The following WTAP variants were observed in gnomAD, a reference collection of about 807,000 sequenced individuals.
WTAP encodes the protein WT1 associated protein, also known as pre-mRNA-splicing regulator WTAP.
A neutral mutation model predicts 50.0 loss-of-function variants in WTAP; 8 were observed. The observed-to-expected ratio is 0.16, with a 90% confidence interval of 0.09 to 0.29. The LOEUF (loss-of-function observed/expected upper bound fraction) is 0.29, where lower values mean the gene tolerates loss of function less well. Ranked by LOEUF, WTAP falls within the 10% of genes least tolerant of loss-of-function variation. The pLI, the probability that WTAP is intolerant of heterozygous loss-of-function variation, is 1.00. For synonymous variants in WTAP, 194 were observed against 169.0 expected (o/e 1.15, Z -1.15); for missense variants, 295 against 470.7 (o/e 0.63, Z 3.45).
At chr6:159,728,733 G>A (rs1414231641) in intron 1 of WTAP, among the ~76,000 whole-genome samples, 1 of 152,228 alleles carries the variant, frequency 6.6e-6, no homozygotes, top group Non-Finnish European at 1.5e-5. Flanking sequence ...CCAAGTCGGG[G>A]AAAGATTGCA....
chr6:159,747,008 T>G (rs1274913620), intron 5 of WTAP, among the ~76,000 whole-genome samples: 1 of 152,200 alleles, frequency 6.6e-6, no homozygotes, highest in African/African-American at 2.4e-5. Context: ...AGCAGCTGGC[T>G]TCACATTGAC....
intron 3 of WTAP, among the ~76,000 whole-genome samples, chr6:159,741,137 C>G (rs924492012): frequency 6.6e-6 from 1 of 152,168 alleles, no homozygotes; most frequent in African/African-American, 2.4e-5. Flanking sequence ...AGCAGACATT[C>G]AGGGCAGGGT....
chr6:159,753,998 A>G (rs946345363), intron 7 of WTAP, among the ~76,000 whole-genome samples: 22 of 152,214 alleles, frequency 1.4e-4, no homozygotes, highest in African/African-American at 5.1e-4. Context: ...CAGCGATCTG[A>G]AAGTAATAAA....
intron 7 of WTAP, 69 bp downstream of exon 7, chr6:159,753,683 G>T (rs1428364993): frequency 2.6e-6 from 4 of 1,514,196 alleles, no homozygotes; most frequent in African/African-American, 1.4e-5. Flanking sequence ...TGCCAGTCAT[G>T]AATATTATAG....
intron 6 of WTAP, chr6:159,749,012 C>T (rs1454730546): frequency 4.0e-6 from 4 of 1,009,848 alleles, no homozygotes; most frequent in African/African-American, 1.7e-5. Flanking sequence ...AATAGATGTC[C>T]GTACAAGTAG....
chr6:159,726,972 G>C, upstream of WTAP: 8 of 1,282,360 alleles, frequency 6.2e-6, no homozygotes, highest in South Asian at 1.2e-5. Context: ...ACACAGAGCG[G>C]CCAATCACGC....
intron 6 of WTAP, among the ~76,000 whole-genome samples, chr6:159,751,491 C>A (rs1779819224): frequency 1.3e-5 from 2 of 152,220 alleles, no homozygotes; most frequent in Admixed American, 1.3e-4. Context: ...TCTTGCATAT[C>A]TCTCATTTTC....
intron 3 of WTAP, among the ~76,000 whole-genome samples, chr6:159,740,892 C>T (rs1212111188): frequency 5.3e-5 from 8 of 151,760 alleles, no homozygotes; most frequent in Admixed American, 1.3e-4. Context: ...TCAGTAGAGA[C>T]GGGATTTCAC....
In WTAP at chr6:159,748,512, CT is replaced by C; in HGVS notation, c.452+145del. ...AAAGCCACATTCTTACACTGTCCAG[CT>C]TGTAATGGTTAATGTAAAACTTACC... On this transcript the variant is annotated intron_variant, in intron 6 of 7. Coordinates refer to ENST00000621533, the MANE Select transcript of WTAP (RefSeq NM_001270531.2). This position sits in a 1 kb window ranked among gnomAD's most constrained non-coding sequence, Gnocchi z 5.6. The C allele has an allele frequency of 3.5e-6, 5 of 1,442,058 alleles. No individual in the cohort carries two copies. Among genetic ancestry groups the C allele is most frequent in the Non-Finnish European group, 4.6e-6 (5 of 1,094,526 alleles). The allele number at this position is 1,442,058 out of a possible 1,614,324, so 89.3% of individuals were successfully genotyped here.
chr6:159,748,082 G>A lies in WTAP; in HGVS notation c.274-109G>A. ...GAGAATTTCAGGATCAAAGAGGGGA[G>A]GAGCTTAATGAAAGAGTTGGTAAAT... On this transcript the variant is annotated intron_variant, in intron 5 of 7. Transcript: ENST00000621533. The surrounding 1 kb of genome is among the most constrained non-coding windows in gnomAD (Gnocchi z 5.6). 7.6e-7 allele frequency: 1 copy of A among 1,319,420 alleles called. No homozygotes were observed. Among genetic ancestry groups the A allele is most frequent in the Non-Finnish European group, 1.0e-6 (1 of 969,030 alleles). The allele number at this position is 1,319,420 out of a possible 1,614,324, so 81.7% of individuals were successfully genotyped here. A position where few individuals can be genotyped will look rare whatever the true frequency, so the allele number is the denominator to read the frequency against.
At chr6:159,738,190 C>CT (rs1376037731) in intron 2 of WTAP, among the ~76,000 whole-genome samples, 1 of 152,198 alleles carries the variant, frequency 6.6e-6, no homozygotes, top group Non-Finnish European at 1.5e-5. Context: ...CATATCTGAA[C>CT]TATCACCATA....
intron 3 of WTAP, 36 bp downstream of exon 3, chr6:159,739,081 A>C: frequency 6.6e-7 from 1 of 1,514,140 alleles, no homozygotes; most frequent in Non-Finnish European, 9.2e-7. Flanking sequence ...AAGTCTTTCT[A>C]TAGAACATTA....
rs367793783 is a variant in WTAP at position 159,736,244 on chromosome 6, A to C, written c.-8-14A>C. On this transcript the variant is annotated splice_polypyrimidine_tract_variant and intron_variant, in intron 1 of 7. Coordinates refer to ENST00000621533, the MANE Select transcript of WTAP (RefSeq NM_001270531.2). ...AAATAAATTGAACTTGTTTTCCGCA[A>C]CTTTTTTTTTTAGGATTCAAGATGA... is the stretch of plus-strand genomic sequence containing the variant. 1.3e-6 allele frequency: 2 copies of C among 1,588,024 alleles called. No individual in the cohort carries two copies. Among genetic ancestry groups the C allele is most frequent in the Admixed American group, 3.5e-5 (2 of 57,406 alleles).
At chr6:159,749,775 C>T (rs897291744) in intron 6 of WTAP, among the ~76,000 whole-genome samples, 1 of 152,152 alleles carries the variant, frequency 6.6e-6, no homozygotes, top group African/African-American at 2.4e-5. Context: ...GTGATCATTT[C>T]TAGCAAATTC....
At chr6:159,752,579 G>A (rs1221267983) in intron 6 of WTAP, among the ~76,000 whole-genome samples, 1 of 152,090 alleles carries the variant, frequency 6.6e-6, no homozygotes, top group Non-Finnish European at 1.5e-5. Context: ...AGATATTTGC[G>A]TGTTTGAATT....
upstream of WTAP, chr6:159,727,270 C>T (rs1778228279): frequency 7.8e-7 from 1 of 1,283,144 alleles, no homozygotes; most frequent in Non-Finnish European, 1.0e-6. Flanking sequence ...CTTCACCTTT[C>T]CTCTCCTGGC....
At chr6:159,753,639 A>G in intron 7 of WTAP, 25 bp downstream of exon 7, 1 of 1,584,072 alleles carries the variant, frequency 6.3e-7, no homozygotes, top group Non-Finnish European at 8.6e-7. Flanking sequence ...TCTTTTTGGA[A>G]CGTTGTCTCA....
chr6:159,728,797 A>C (rs1435943681), intron 1 of WTAP, among the ~76,000 whole-genome samples: 7 of 152,224 alleles, frequency 4.6e-5, no homozygotes, highest in Non-Finnish European at 2.9e-5. Flanking sequence ...GGGTTTGGGT[A>C]GGTGTGTTTC....
chr6:159,747,182 G>A (rs1376954793), intron 5 of WTAP, among the ~76,000 whole-genome samples: 1 of 152,144 alleles, frequency 6.6e-6, no homozygotes, highest in Non-Finnish European at 1.5e-5. Context: ...TGAGTATGAA[G>A]AAAATGATGA....
Sources: gnomAD v4.1 joint callset for allele counts (sites outside exome capture counted in the v4.1 genomes callset) on GRCh38, gnomAD v4.1.1 for gene constraint, Gnocchi (gnomAD v3.1) non-coding constraint, MANE v1.5 for transcripts, NCBI Gene and HGNC (gene_info 2026-07-23, HGNC 2026-07-21) for gene names.